MAGED1: variants seen among roughly 807,000 people sequenced by gnomAD.
MAGED1 encodes MAGE family member D1.
In MAGED1, 3 loss-of-function variants were observed where a neutral mutation model predicts 54.1. That is an observed-to-expected ratio of 0.06 (90% confidence interval 0.03 to 0.14). The LOEUF is 0.14. MAGED1 is among the 10% of genes least tolerant of loss of function. The probability of loss-of-function intolerance (pLI) is 1.00; values close to 1 mark genes in which losing one functional copy is unlikely to be tolerated. For synonymous variants in MAGED1, 217 were observed against 227.3 expected (o/e 0.95, Z 0.41); for missense variants, 485 against 623.4 (o/e 0.78, Z 2.36).
chrX:51,874,371 T>TTCA, intron 1 of MAGED1, among the ~76,000 whole-genome samples: 1 of 111,227 alleles, frequency 9.0e-6, no homozygotes, highest in Admixed American at 9.5e-5. Flanking sequence ...ATGATGGAGA[T>TTCA]GAAACCAGAA....
chrX:51,855,765 A>G (rs1927062151), intron 1 of MAGED1, among the ~76,000 whole-genome samples: 1 of 110,995 alleles, frequency 9.0e-6, no homozygotes, highest in South Asian at 3.8e-4. Flanking sequence ...ACCTCAAATG[A>G]TCTGCCCGCC....
At chrX:51,818,495 G>GTGGC (rs1375605560) in intron 1 of MAGED1, among the ~76,000 whole-genome samples, 4 of 111,988 alleles carry the variant, frequency 3.6e-5, no homozygotes, top group Non-Finnish European at 7.5e-5. Flanking sequence ...CCCAGACCCT[G>GTGGC]TGGCTACCTG....
chrX:51,818,204 A>T, intron 1 of MAGED1, among the ~76,000 whole-genome samples: 1 of 111,890 alleles, frequency 8.9e-6, no homozygotes, highest in Non-Finnish European at 1.9e-5. Context: ...GACCTGTTTT[A>T]TACACCATTA....
chrX:51,855,377 T>G (rs1927047097), intron 1 of MAGED1, among the ~76,000 whole-genome samples: 1 of 111,864 alleles, frequency 8.9e-6, no homozygotes, highest in South Asian at 3.8e-4. Context: ...ATATTTCTTT[T>G]CAGTATATAC....
intron 1 of MAGED1, among the ~76,000 whole-genome samples, chrX:51,885,044 A>G (rs1602261284): frequency 8.9e-6 from 1 of 112,232 alleles, no homozygotes; most frequent in Non-Finnish European, 1.9e-5. Flanking sequence ...TCTCCTTGCC[A>G]TCAGGAACAA....
intron 1 of MAGED1, among the ~76,000 whole-genome samples, chrX:51,868,546 CAG>C (rs1557361259): frequency 9.0e-6 from 1 of 111,211 alleles, no homozygotes; most frequent in East Asian, 2.8e-4. Flanking sequence ...ATCATGAAGA[CAG>C]AGGCAATGTG....
intron 1 of MAGED1, among the ~76,000 whole-genome samples, chrX:51,824,274 G>GATATAGAA (rs1363785672): frequency 3.6e-5 from 4 of 110,808 alleles, no homozygotes; most frequent in Non-Finnish European, 1.9e-5. Context: ...TTGAAGGATA[G>GATATAGAA]TTTTACTTCC....
intron 1 of MAGED1, among the ~76,000 whole-genome samples, chrX:51,860,785 C>A (rs781901747): frequency 2.7e-5 from 3 of 110,234 alleles, no homozygotes; most frequent in Non-Finnish European, 3.8e-5. Context: ...TCTCAGAAAC[C>A]TAGGCATTTT....
intron 1 of MAGED1, among the ~76,000 whole-genome samples, chrX:51,813,866 A>T (rs1925312213): frequency 9.0e-6 from 1 of 111,276 alleles, no homozygotes; most frequent in African/African-American, 3.3e-5. Context: ...TGTATTGTTG[A>T]CTCCTGTAGA....
At chrX:51,890,460 G>A (rs1557363341), upstream of MAGED1, among the ~76,000 whole-genome samples, 1 of 112,026 alleles carries the variant, frequency 8.9e-6, no homozygotes, top group Non-Finnish European at 1.9e-5. Context: ...GTCTTCAGGA[G>A]CTTGCCACAC....
At chrX:51,832,488 G>A (rs1481756903) in intron 1 of MAGED1, among the ~76,000 whole-genome samples, 1 of 109,460 alleles carries the variant, frequency 9.1e-6, no homozygotes, top group African/African-American at 3.3e-5. Context: ...TTAGCCTCTG[G>A]TAACCATCAT....
rs1400630536 is a variant in MAGED1, at chrX:51,812,355, G to T, written c.-37+9238G>T. On this transcript the variant is annotated intron_variant, in intron 1 of 12. Coordinates refer to the MAGED1 transcript ENST00000375772. ...TAATGGGCAATTTAGAGGTTACTCT[G>T]TGGTCTAGTAAAGCTAAGGAAAAGG... 2.7e-5 allele frequency among the ~76,000 whole-genome samples: 3 copies of T among 110,900 alleles called. No homozygotes were observed. The East Asian group carries it at 8.5e-4, about 31-fold the overall frequency.
chrX:51,827,455 A>G (rs1925894389), intron 1 of MAGED1, among the ~76,000 whole-genome samples: 1 of 111,867 alleles, frequency 8.9e-6, no homozygotes, highest in South Asian at 3.7e-4. Context: ...TGGTACTATA[A>G]TAGTGGATAC....
rs1192041143 is a variant in MAGED1, at chrX:51,841,176, T to C, written c.-37+38059T>C. Among the ~76,000 whole-genome samples, 9 of 109,808 alleles carry C rather than the reference T, an allele frequency of 8.2e-5. No homozygotes were observed. In the South Asian group the frequency reaches 2.9e-3, roughly 35 times the overall value. On this transcript the variant is annotated intron_variant, in intron 1 of 12. Transcript: ENST00000375772. ...ATTGTGGTTTTGATTTGCATTTCTC[T>C]GATGGCCAGTGATGATGAGCATTTC...
In MAGED1 at chrX:51,895,339, C is replaced by G. The variant is rs782336578; in HGVS notation, c.332C>G (p.Ala111Gly). The G allele has an allele frequency of 8.3e-7, 1 of 1,210,106 alleles. No individual in the cohort carries two copies. Among genetic ancestry groups the G allele is most frequent in the Non-Finnish European group, 1.1e-6 (1 of 894,656 alleles). Residue 111 changes from alanine (A) to glycine (G), a missense_variant, in exon 3 of 13, where the codon GCC becomes GGC. Physicochemically the swap from Ala to Gly is moderately conservative, Grantham distance 60. This residue lies in a region of MAGED1 where 299 missense variants were observed against 293.1 expected (regional missense o/e 1.02). Transcript: ENST00000326587. ...GTGCCCAACACGCAGCCCAAGGCAGCCTTTAAGTCCCAAAATGCTACCCCA... is the reference window on the plus strand; with the variant it reads ...GTGCCCAACACGCAGCCCAAGGCAGGCTTTAAGTCCCAAAATGCTACCCCA... ...KDVPNTQPKA[A>G]FKSQNATPKG...
intron 1 of MAGED1, among the ~76,000 whole-genome samples, chrX:51,869,428 C>T (rs956063239): frequency 9.0e-6 from 1 of 111,681 alleles, no homozygotes; most frequent in East Asian, 2.8e-4. Context: ...TCCATTTTCA[C>T]ACTGCTATAA....
intron 10 of MAGED1, 116 bp from the exon 11 acceptor site, chrX:51,900,066 T>G: frequency 9.9e-6 from 5 of 504,769 alleles, no homozygotes; most frequent in Non-Finnish European, 1.0e-5. Context: ...TGTTCAGGAA[T>G]GAGCCCAAGG....
intron 5 of MAGED1, 115 bp downstream of exon 5, chrX:51,897,386 C>T: frequency 2.4e-6 from 2 of 822,424 alleles, no homozygotes; most frequent in Non-Finnish European, 3.6e-6. Context: ...TGTCGGCATT[C>T]TTCTGCTTGT....
At position 51,902,173 on chromosome X, in the gene MAGED1, C is replaced by A. The variant is rs193192478; in HGVS notation, c.*36C>A. ...ATTGCTATCAATCGCAGTAGTCTTT[C>A]CCCTGTGTGAGGCTGAAGCCTCAGA... On this transcript the variant is annotated 3_prime_UTR_variant, in exon 13 of 13. Transcript: ENST00000326587. 200 of 300,893 alleles carry A rather than the reference C, an allele frequency of 6.6e-4. No individual in the cohort carries two copies. The highest frequency in any genetic ancestry group is 9.5e-4 in the Non-Finnish European group (165 of 174,571). The allele number at this position is 300,893 out of a possible 1,213,427, so 24.8% of individuals were successfully genotyped here.
Sources: gnomAD v4.1 joint callset for allele counts (sites outside exome capture counted in the v4.1 genomes callset) on GRCh38, gnomAD v4.1.1 for gene constraint, gnomAD v4.1.1 regional missense constraint, MANE v1.5 for transcripts, NCBI Gene and HGNC (gene_info 2026-07-23, HGNC 2026-07-21) for gene names.